FAT3: variants seen among roughly 807,000 people sequenced by gnomAD.
The protein encoded by FAT3 is protocadherin Fat 3.
Under a neutral mutation model 310.2 loss-of-function variants are expected in FAT3, and 95 were observed. The observed-to-expected ratio is 0.31, with a 90% CI of 0.26 to 0.36. The LOEUF (loss-of-function observed/expected upper bound fraction) is 0.36, where lower values mean the gene tolerates loss of function less well. Among genes scored for constraint, FAT3 ranks in the 10% least tolerant of loss-of-function variants. FAT3 has a pLI of 1.00. For synonymous variants in FAT3, 2,314 were observed against 2,192.9 expected (o/e 1.06, Z -1.54); for missense variants, 5,408 against 5,715.6 (o/e 0.95, Z 1.74).
At chr11:92,580,665 A>G (rs1047221410) in intron 3 of FAT3, among the ~76,000 whole-genome samples, 1 of 152,058 alleles carries the variant, frequency 6.6e-6, no homozygotes, top group Non-Finnish European at 1.5e-5. Context: ...CTTACTAAAT[A>G]TCTATTAAGT....
chr11:92,333,359 T>C (rs964707228), intron 1 of FAT3, among the ~76,000 whole-genome samples: 6 of 152,314 alleles, frequency 3.9e-5, no homozygotes, highest in African/African-American at 1.4e-4. Context: ...TAAGTCATAT[T>C]AGTAATTTAA....
chr11:92,553,100 C>A (rs1954878738), intron 3 of FAT3, among the ~76,000 whole-genome samples: 1 of 152,074 alleles, frequency 6.6e-6, no homozygotes, highest in Non-Finnish European at 1.5e-5. Flanking sequence ...TCTTCTCATT[C>A]CTAAGCCAAA....
At chr11:92,226,231 G>T (rs537739240) in intron 1 of FAT3, among the ~76,000 whole-genome samples, 3 of 152,198 alleles carry the variant, frequency 2.0e-5, no homozygotes, top group Non-Finnish European at 2.9e-5. Flanking sequence ...TGGCCCCCCG[G>T]CTTGCATGAT....
chr11:92,775,777 A>T (rs1946582864), intron 7 of FAT3, among the ~76,000 whole-genome samples: 1 of 152,184 alleles, frequency 6.6e-6, no homozygotes, highest in Non-Finnish European at 1.5e-5. Context: ...CAGAAATCCT[A>T]TGTGATTCTG....
chr11:92,317,996 G>T (rs899663343), intron 1 of FAT3, among the ~76,000 whole-genome samples: 1 of 152,094 alleles, frequency 6.6e-6, no homozygotes, highest in African/African-American at 2.4e-5. Flanking sequence ...TTTTTCTTTA[G>T]CAGAAATCAT....
At chr11:92,407,238 G>A (rs1950154223) in intron 2 of FAT3, among the ~76,000 whole-genome samples, 1 of 152,068 alleles carries the variant, frequency 6.6e-6, no homozygotes. Context: ...AACAGTTACG[G>A]GATATTTTCG....
intron 2 of FAT3, among the ~76,000 whole-genome samples, chr11:92,464,984 A>G (rs1049892009): frequency 6.6e-6 from 1 of 152,170 alleles, no homozygotes; most frequent in African/African-American, 2.4e-5. Context: ...TTTACTATAC[A>G]TAATGCTTTC....
chr11:92,650,946 G>T (rs928125338), intron 3 of FAT3, among the ~76,000 whole-genome samples: 1 of 152,194 alleles, frequency 6.6e-6, no homozygotes, highest in Admixed American at 6.5e-5. Context: ...GGTATGCTAG[G>T]TACCTTAACC....
intron 3 of FAT3, among the ~76,000 whole-genome samples, chr11:92,619,727 G>A (rs1027056389): frequency 6.6e-6 from 1 of 150,884 alleles, no homozygotes; most frequent in Non-Finnish European, 1.5e-5. Flanking sequence ...TCTGATTTTA[G>A]CAATTTGAGT....
intron 1 of FAT3, among the ~76,000 whole-genome samples, chr11:92,291,830 T>A (rs532483765): frequency 2.0e-5 from 3 of 152,248 alleles, no homozygotes; most frequent in African/African-American, 7.2e-5. Flanking sequence ...TTGTGTGTTC[T>A]GCTTCCTGTC....
chr11:92,317,144 T>G (rs754200725), intron 1 of FAT3, among the ~76,000 whole-genome samples: 1 of 152,152 alleles, frequency 6.6e-6, no homozygotes, highest in Non-Finnish European at 1.5e-5. Context: ...AAAGACTGAA[T>G]GAATGAATGA....
chr11:92,369,183 A>C (rs1307328053), intron 2 of FAT3, among the ~76,000 whole-genome samples: 1 of 152,200 alleles, frequency 6.6e-6, no homozygotes, highest in African/African-American at 2.4e-5. Flanking sequence ...AATTTATAAA[A>C]ATGTAGGACA....
chr11:92,693,606 A>AG (rs1943856289), intron 3 of FAT3, among the ~76,000 whole-genome samples: 1 of 152,224 alleles, frequency 6.6e-6, no homozygotes, highest in Non-Finnish European at 1.5e-5. Context: ...TGGGCCAGGA[A>AG]GGATGGCTCA....
chr11:92,560,109 C>T (rs540423718), intron 3 of FAT3, among the ~76,000 whole-genome samples: 59 of 152,168 alleles, frequency 3.9e-4, no homozygotes, highest in Non-Finnish European at 6.9e-4. Flanking sequence ...TCCACACACT[C>T]CTTAAAACTC....
At chr11:92,820,019 A>G (rs1947919519) in intron 13 of FAT3, among the ~76,000 whole-genome samples, 1 of 152,198 alleles carries the variant, frequency 6.6e-6, no homozygotes, top group Non-Finnish European at 1.5e-5. Context: ...ACTGACTCAC[A>G]TCTAATGAAC....
intron 2 of FAT3, among the ~76,000 whole-genome samples, chr11:92,475,744 A>G (rs11019973): frequency 0.11 from 16,064 of 152,192 alleles, 1,394 homozygotes; most frequent in African/African-American, 0.24. Flanking sequence ...AAAAAGTTTT[A>G]ATTATCATTG....
chr11:92,842,471 A>C (rs538209861), intron 18 of FAT3, among the ~76,000 whole-genome samples: 11 of 152,362 alleles, frequency 7.2e-5, no homozygotes, highest in Admixed American at 5.2e-4. Context: ...GTTTGACTTC[A>C]AGTTCAGTCT....
In FAT3 at chr11:92,703,668, C is replaced by T. The variant is rs144285313; in HGVS notation, c.3669+6223C>T. Among the ~76,000 whole-genome samples, 267 of 152,288 alleles carry T rather than the reference C, an allele frequency of 1.8e-3. 4 individuals carry two copies. The highest frequency in any genetic ancestry group is 4.6e-4 in the Non-Finnish European group (31 of 68,016). On this transcript the variant is annotated intron_variant, in intron 4 of 27. Transcript: ENST00000525166. ...ATTCTTATTCTTATTGTATCAACCT[C>T]GATAGTTAATAGATATGCACTCTTT...
At chr11:92,642,909 C>A (rs904126657) in intron 3 of FAT3, among the ~76,000 whole-genome samples, 6 of 152,320 alleles carry the variant, frequency 3.9e-5, no homozygotes, top group Admixed American at 1.3e-4. Context: ...AGAGCTAACC[C>A]TTACTCTGCC....
Sources: gnomAD v4.1 joint callset for allele counts (sites outside exome capture counted in the v4.1 genomes callset) on GRCh38, gnomAD v4.1.1 for gene constraint, MANE v1.5 for transcripts, NCBI Gene and HGNC (gene_info 2026-07-23, HGNC 2026-07-21) for gene names.